The following PDSS2 variants were observed in gnomAD, a reference collection of about 807,000 sequenced individuals.
PDSS2 encodes the protein all trans-polyprenyl-diphosphate synthase PDSS2.
A neutral mutation model predicts 44.5 loss-of-function variants in PDSS2; 31 were observed. The observed-to-expected ratio is 0.70, with a 90% confidence interval of 0.52 to 0.94. The LOEUF (loss-of-function observed/expected upper bound fraction) is 0.94. PDSS2 is among the 40% of genes least tolerant of loss of function. The pLI, the probability that PDSS2 is intolerant of heterozygous loss-of-function variation, is 0.00. For synonymous variants in PDSS2, 157 were observed against 180.3 expected (o/e 0.87, Z 1.03); for missense variants, 452 against 482.2 (o/e 0.94, Z 0.59).
intron 7 of PDSS2, among the ~76,000 whole-genome samples, chr6:107,185,283 G>T (rs1307137541): frequency 6.6e-6 from 1 of 152,166 alleles, no homozygotes; most frequent in Admixed American, 6.5e-5. Flanking sequence ...TTACGGCACA[G>T]TCCTAGGCAC....
chr6:107,361,689 TA>T (rs1166931055), intron 1 of PDSS2, among the ~76,000 whole-genome samples: 6 of 152,194 alleles, frequency 3.9e-5, no homozygotes, highest in African/African-American at 7.2e-5. Context: ...AATGTACAGA[TA>T]GAGACTTCCA....
chr6:107,422,102 A>C (rs1393191929), intron 1 of PDSS2, among the ~76,000 whole-genome samples: 2 of 151,356 alleles, frequency 1.3e-5, no homozygotes, highest in Non-Finnish European at 3.0e-5. Context: ...AAAAAAAAAA[A>C]CTTAAAACAT....
intron 3 of PDSS2, among the ~76,000 whole-genome samples, chr6:107,263,394 A>C (rs1446977511): frequency 1.3e-5 from 2 of 151,848 alleles, no homozygotes; most frequent in African/African-American, 4.8e-5. Context: ...CAGAGTTTGC[A>C]GTGAGCCGAG....
intron 1 of PDSS2, among the ~76,000 whole-genome samples, chr6:107,427,492 A>AT (rs1562532374): frequency 1.3e-5 from 2 of 152,202 alleles, no homozygotes; most frequent in Non-Finnish European, 2.9e-5. Context: ...AATCAAACAT[A>AT]TTTTTACCAA....
chr6:107,314,448 G>A (rs996372449), intron 2 of PDSS2, among the ~76,000 whole-genome samples: 14 of 151,966 alleles, frequency 9.2e-5, no homozygotes, highest in African/African-American at 3.1e-4. Flanking sequence ...GGGCTCCAGC[G>A]ATGCAAGCCA....
At chr6:107,240,710 G>A (rs1262908530) in intron 4 of PDSS2, among the ~76,000 whole-genome samples, 1 of 149,622 alleles carries the variant, frequency 6.7e-6, no homozygotes, top group East Asian at 2.0e-4. Flanking sequence ...GACCCTACCT[G>A]TAAAAAATAA....
intron 2 of PDSS2, 131 bp downstream of exon 2, chr6:107,334,067 C>A: frequency 1.2e-6 from 1 of 851,904 alleles, no homozygotes; most frequent in Non-Finnish European, 1.9e-6. Flanking sequence ...AATAAAAATC[C>A]ATTTTTAACC....
At position 107,154,556 on chromosome 6, in the gene PDSS2, C is replaced by T. The variant is rs1770816299; in HGVS notation, c.*63G>A. The T allele has an allele frequency of 2.0e-6, 3 of 1,506,914 alleles. No homozygotes were observed. The highest frequency in any genetic ancestry group is 1.7e-4 in the Middle Eastern group (1 of 5,858). 93.3% of individuals were successfully genotyped at this position (1,506,914 alleles called of 1,614,324 possible). ...GTCATTAACGCATCGTGAAAGCGCTCCCAATCAACCTCATTCCCTAGGATT... is the reference window on the plus strand; with the variant it reads ...GTCATTAACGCATCGTGAAAGCGCTTCCAATCAACCTCATTCCCTAGGATT... On this transcript the variant is annotated 3_prime_UTR_variant, in exon 8 of 8. Transcript: ENST00000369037.
intron 2 of PDSS2, among the ~76,000 whole-genome samples, chr6:107,288,700 GT>G (rs1456058738): frequency 6.7e-6 from 1 of 148,760 alleles, no homozygotes; most frequent in Non-Finnish European, 1.5e-5. Context: ...TTCTAGAGCA[GT>G]ATGGGGTCAT....
intron 2 of PDSS2, among the ~76,000 whole-genome samples, chr6:107,332,199 G>C (rs981262404): frequency 2.6e-5 from 4 of 151,770 alleles, no homozygotes; most frequent in Admixed American, 2.0e-4. Context: ...CTGACTCCAA[G>C]GCTCAAGCGA....
In PDSS2 at chr6:107,154,438, T is replaced by C. The variant is rs1400167525; in HGVS notation, c.*181A>G. 1 of 612,798 alleles carries C rather than the reference T, an allele frequency of 1.6e-6. No homozygotes were observed. Among genetic ancestry groups the C allele is most frequent in the Non-Finnish European group, 2.9e-6 (1 of 349,776 alleles). The allele number at this position is 612,798 out of a possible 1,614,324, so 38.0% of individuals were successfully genotyped here. On this transcript the variant is annotated 3_prime_UTR_variant, in exon 8 of 8. Coordinates refer to ENST00000369037, the MANE Select transcript of PDSS2 (RefSeq NM_020381.4). ...ACAAGTGAAAACTGCTTGACCTTTTTTTCTTCTAATTTTGTTTGTAGCAGT... is the reference window on the plus strand; with the variant it reads ...ACAAGTGAAAACTGCTTGACCTTTTCTTCTTCTAATTTTGTTTGTAGCAGT...
intron 1 of PDSS2, among the ~76,000 whole-genome samples, chr6:107,401,377 C>T (rs760850673): frequency 6.6e-6 from 1 of 152,002 alleles, no homozygotes; most frequent in Non-Finnish European, 1.5e-5. Flanking sequence ...AACTAGACAA[C>T]CCTACTAAAC....
At chr6:107,200,641 C>T (rs1454779376) in intron 6 of PDSS2, among the ~76,000 whole-genome samples, 1 of 152,092 alleles carries the variant, frequency 6.6e-6, no homozygotes, top group Non-Finnish European at 1.5e-5. Flanking sequence ...TGCCACTTAT[C>T]ATGTGTATTT....
chr6:107,445,710 G>T (rs1440527042), intron 1 of PDSS2, among the ~76,000 whole-genome samples: 2 of 152,072 alleles, frequency 1.3e-5, no homozygotes, highest in East Asian at 1.9e-4. Context: ...AACTGACGAC[G>T]GCTTCCTTAC....
intron 5 of PDSS2, among the ~76,000 whole-genome samples, chr6:107,211,071 T>C (rs1773187034): frequency 6.6e-6 from 1 of 152,048 alleles, no homozygotes; most frequent in Non-Finnish European, 1.5e-5. Flanking sequence ...TACATTCCTT[T>C]TCTAGTGGGT....
intron 3 of PDSS2, among the ~76,000 whole-genome samples, chr6:107,267,633 A>G (rs936816301): frequency 2.7e-5 from 4 of 146,658 alleles, no homozygotes; most frequent in African/African-American, 5.1e-5. Context: ...TGCCCAGGCT[A>G]GAGAAACAGT....
rs1770777315 is a variant in PDSS2 at position 107,153,475 on chromosome 6, A to T, written c.*1144T>A. The T allele has an allele frequency of 6.6e-6, 1 of 152,616 alleles. No individual in the cohort carries two copies. Among genetic ancestry groups the T allele is most frequent in the Admixed American group, 6.6e-5 (1 of 15,264 alleles). The allele number at this position is 152,616 out of a possible 1,614,324, so 9.5% of individuals were successfully genotyped here. A position where few individuals can be genotyped will look rare whatever the true frequency, so the allele number is the denominator to read the frequency against. On this transcript the variant is annotated 3_prime_UTR_variant, in exon 8 of 8. Transcript: ENST00000369037. Reference sequence around the variant, plus strand: ...CACCAATGAATTCCCTAGTACAAAAATTCTGTTTCTGAAACTCGTAAAAAT... The same window carrying T: ...CACCAATGAATTCCCTAGTACAAAATTTCTGTTTCTGAAACTCGTAAAAAT...
chr6:107,202,629 T>C (rs751647563), intron 6 of PDSS2, among the ~76,000 whole-genome samples: 6 of 152,148 alleles, frequency 3.9e-5, no homozygotes, highest in African/African-American at 7.2e-5. Context: ...GGTCATTCTC[T>C]ATGAATAAGA....
chr6:107,174,936 C>T (rs1323304102), intron 7 of PDSS2, among the ~76,000 whole-genome samples: 2 of 152,156 alleles, frequency 1.3e-5, no homozygotes, highest in East Asian at 1.9e-4. Context: ...CTCTCTTGGC[C>T]AGGTGTGGTG....
Sources: allele counts gnomAD v4.1 joint callset (sites outside exome capture counted in the v4.1 genomes callset), GRCh38; gene constraint gnomAD v4.1.1; transcripts MANE v1.5; gene names NCBI Gene and HGNC (gene_info 2026-07-23, HGNC 2026-07-21).